The following NIPA1 variants were observed in gnomAD, a reference collection of about 807,000 sequenced individuals.
NIPA1 encodes the protein NIPA magnesium transporter 1.
Under a neutral mutation model 23.9 loss-of-function variants are expected in NIPA1, and 13 were observed. That is an observed-to-expected ratio of 0.54 (90% CI 0.35 to 0.87). The LOEUF is 0.87. NIPA1 is among the 40% of genes least tolerant of loss of function. The probability of loss-of-function intolerance (pLI) is 0.01; values close to 1 mark genes in which losing one functional copy is unlikely to be tolerated. For missense variants in NIPA1, 362 were observed against 429.7 expected, an observed-to-expected ratio of 0.84 and a Z score of 1.39; for synonymous variants, 234 against 202.9, an observed-to-expected ratio of 1.15 and a Z score of -1.30.
intron 3 of NIPA1, among the ~76,000 whole-genome samples, chr15:22,819,877 G>A (rs1428011400): frequency 2.6e-5 from 4 of 152,106 alleles, no homozygotes; most frequent in African/African-American, 7.2e-5. Context: ...CATTAACTAC[G>A]TAGTGGTTAT....
At chr15:22,799,935 C>A (rs1895034900) in intron 1 of NIPA1, among the ~76,000 whole-genome samples, 1 of 106,548 alleles carries the variant, frequency 9.4e-6, no homozygotes, top group Admixed American at 1.3e-4. Flanking sequence ...CAGAATGAGA[C>A]CCTGTCTCAA....
At chr15:22,788,186 A>C (rs1032551296) in intron 1 of NIPA1, among the ~76,000 whole-genome samples, 14 of 152,002 alleles carry the variant, frequency 9.2e-5, no homozygotes, top group African/African-American at 3.4e-4. Context: ...CATGAGGAAA[A>C]CACCACACAA....
In NIPA1 at chr15:22,825,498, CTG is replaced by C. The variant is rs1450922275; in HGVS notation, c.*1263_*1264del. ...AGGTATTATTTTATTTGTATTCGATCTGTGTTACCTGGGATCCAGTATCAAAT... is the reference window on the plus strand; with the variant it reads ...AGGTATTATTTTATTTGTATTCGATCTGTTACCTGGGATCCAGTATCAAAT... On this transcript the variant is annotated 3_prime_UTR_variant, in exon 5 of 5. Coordinates refer to ENST00000337435, the MANE Select transcript of NIPA1 (RefSeq NM_144599.5). The C allele has an allele frequency of 6.6e-6, 1 of 152,160 alleles. No individual in the cohort carries two copies. The highest frequency in any genetic ancestry group is 1.9e-4 in the East Asian group (1 of 5,192). The allele number at this position is 152,160 out of a possible 1,614,324, so 9.4% of individuals were successfully genotyped here.
At chr15:22,800,118 A>C (rs1164282552) in intron 1 of NIPA1, among the ~76,000 whole-genome samples, 1 of 151,946 alleles carries the variant, frequency 6.6e-6, no homozygotes, top group African/African-American at 2.4e-5. Flanking sequence ...CCAGCATTGC[A>C]CAATATACGC....
Position 22,826,820 on chromosome 15 carries a change from G to T in NIPA1, c.*2581G>T, listed in dbSNP as rs1287830060. 1 of 152,040 alleles carries T rather than the reference G, an allele frequency of 6.6e-6. No individual in the cohort carries two copies. 9.4% of individuals were successfully genotyped at this position (152,040 alleles called of 1,614,324 possible). On this transcript the variant is annotated 3_prime_UTR_variant, in exon 5 of 5. Transcript: ENST00000337435. ...AGTAGGATACATAGCTTTTCTTCCA[G>T]TGAAACAAAGTTCATATCATCCATT...
chr15:22,815,664 AC>A (rs1936439734), intron 3 of NIPA1, among the ~76,000 whole-genome samples: 1 of 152,130 alleles, frequency 6.6e-6, no homozygotes, highest in South Asian at 2.1e-4. Context: ...CATTAAAAAA[AC>A]AACTATGAAC....
intron 1 of NIPA1, among the ~76,000 whole-genome samples, chr15:22,802,619 A>G (rs978740891): frequency 2.6e-5 from 4 of 151,972 alleles, no homozygotes; most frequent in Non-Finnish European, 5.9e-5. Flanking sequence ...CAGTTTGATG[A>G]GTTTTGACAA....
At chr15:22,817,499 CAAAAAA>C (rs60309093) in intron 3 of NIPA1, among the ~76,000 whole-genome samples, 7 of 123,020 alleles carry the variant, frequency 5.7e-5, no homozygotes, top group African/African-American at 1.0e-4. Context: ...AACTCCGTCT[CAAAAAA>C]AAAAAAAAAA....
At chr15:22,817,186 CAAAAAA>C (rs894814701) in intron 3 of NIPA1, among the ~76,000 whole-genome samples, 2 of 61,086 alleles carry the variant, frequency 3.3e-5, no homozygotes, top group African/African-American at 7.6e-5. Flanking sequence ...GACTCTGTCT[CAAAAAA>C]AAAAAAAAAA....
At chr15:22,793,205 C>T (rs1302372259) in intron 1 of NIPA1, among the ~76,000 whole-genome samples, 2 of 151,098 alleles carry the variant, frequency 1.3e-5, no homozygotes, top group African/African-American at 2.4e-5. Flanking sequence ...AAAAATTAGC[C>T]GGGCGTGGTG....
intron 1 of NIPA1, among the ~76,000 whole-genome samples, chr15:22,799,417 G>C (rs1011872120): frequency 6.6e-5 from 10 of 152,068 alleles, no homozygotes; most frequent in African/African-American, 2.2e-4. Context: ...TGCCGAGGTG[G>C]GCAGATCACT....
At chr15:22,800,780 A>AGG (rs1895059345) in intron 1 of NIPA1, among the ~76,000 whole-genome samples, 1 of 151,942 alleles carries the variant, frequency 6.6e-6, no homozygotes. Context: ...TACAAAAAAA[A>AGG]TTTAGCCGGA....
chr15:22,789,509 G>C (rs1404159981), intron 1 of NIPA1, among the ~76,000 whole-genome samples: 1 of 152,152 alleles, frequency 6.6e-6, no homozygotes, highest in South Asian at 2.1e-4. Context: ...CGGCGGGGCA[G>C]AGTCACTTAC....
intron 1 of NIPA1, among the ~76,000 whole-genome samples, chr15:22,800,422 A>G (rs918848593): frequency 6.6e-6 from 1 of 152,138 alleles, no homozygotes; most frequent in Non-Finnish European, 1.5e-5. Flanking sequence ...AGTTTTGCCC[A>G]GTTCATCTTT....
At chr15:22,799,337 T>G (rs1467974914) in intron 1 of NIPA1, among the ~76,000 whole-genome samples, 10 of 152,136 alleles carry the variant, frequency 6.6e-5, no homozygotes, top group Non-Finnish European at 1.5e-5. Context: ...TACCACATGT[T>G]CTTACTTATA....
Position 22,799,609 on chromosome 15 carries a change from C to T in NIPA1, c.179-11140C>T, listed in dbSNP as rs563343277. ...CATCCTGGCTAACACGGTGAAACCC[C>T]ATCTCTACTAAAAATACAAAAAATT... is the stretch of plus-strand genomic sequence containing the variant. On this transcript the variant is annotated intron_variant, in intron 1 of 4. Coordinates refer to ENST00000337435, the MANE Select transcript of NIPA1 (RefSeq NM_144599.5). 3.3e-5 allele frequency among the ~76,000 whole-genome samples: 5 copies of T among 152,078 alleles called. No individual in the cohort carries two copies. The South Asian group carries it at 6.2e-4, about 19-fold the overall frequency.
At chr15:22,786,982 T>G in intron 1 of NIPA1, 148 bp downstream of exon 1, 2 of 396,338 alleles carry the variant, frequency 5.0e-6, no homozygotes, top group Non-Finnish European at 7.3e-6. Flanking sequence ...GGGCGGGTGC[T>G]CCCCGCGGCG....
At chr15:22,788,357 C>G (rs893976924) in intron 1 of NIPA1, among the ~76,000 whole-genome samples, 50 of 151,820 alleles carry the variant, frequency 3.3e-4, no homozygotes, top group South Asian at 1.2e-3. Context: ...AAAAATTATC[C>G]CGGTGTGGTG....
chr15:22,812,494 A>G (rs1249668346), intron 3 of NIPA1, among the ~76,000 whole-genome samples: 1 of 152,054 alleles, frequency 6.6e-6, no homozygotes, highest in Non-Finnish European at 1.5e-5. Context: ...TCTACTAACA[A>G]TATGAAAAAT....
Sources: gnomAD v4.1 joint callset for allele counts (sites outside exome capture counted in the v4.1 genomes callset) on GRCh38, gnomAD v4.1.1 for gene constraint, MANE v1.5 for transcripts, NCBI Gene and HGNC (gene_info 2026-07-23, HGNC 2026-07-21) for gene names.